UBAC2: variants seen among roughly 807,000 people sequenced by gnomAD.
The protein encoded by UBAC2 is UBA domain containing 2, also known as ubiquitin-associated domain-containing protein 2.
A neutral mutation model predicts 44.0 loss-of-function variants in UBAC2; 26 were observed. The observed-to-expected ratio is 0.59, with a 90% confidence interval of 0.43 to 0.82. UBAC2 has a LOEUF of 0.82. UBAC2 is among the 40% of genes least tolerant of loss of function. The probability of loss-of-function intolerance (pLI) is 0.00; values close to 1 mark genes in which losing one functional copy is unlikely to be tolerated. For missense variants in UBAC2, 329 were observed against 419.4 expected, an observed-to-expected ratio of 0.78 and a Z score of 1.88; for synonymous variants, 155 against 154.3, an observed-to-expected ratio of 1.00 and a Z score of -0.04.
At chr13:99,378,589 A>G (rs1054238668) in intron 8 of UBAC2, among the ~76,000 whole-genome samples, 1 of 152,208 alleles carries the variant, frequency 6.6e-6, no homozygotes, top group African/African-American at 2.4e-5. Flanking sequence ...ACAGACTCGA[A>G]GGTATATTTT....
At chr13:99,219,323 A>T (rs1019521418) in intron 1 of UBAC2, among the ~76,000 whole-genome samples, 6 of 152,210 alleles carry the variant, frequency 3.9e-5, no homozygotes, top group Non-Finnish European at 8.8e-5. Flanking sequence ...CCCAAAAGAT[A>T]CATATTTTTA....
intron 7 of UBAC2, among the ~76,000 whole-genome samples, chr13:99,354,701 G>A (rs1166493014): frequency 6.6e-6 from 1 of 152,086 alleles, no homozygotes; most frequent in Non-Finnish European, 1.5e-5. Context: ...GGGCAGACCT[G>A]CAAAACAGGA....
chr13:99,351,437 C>T, intron 7 of UBAC2: 1 of 425,758 alleles, frequency 2.3e-6, no homozygotes, highest in Non-Finnish European at 4.7e-6. Context: ...GATCTCTTGC[C>T]TCTTTATCTT....
At chr13:99,297,637 A>G (rs893245007) in intron 4 of UBAC2, among the ~76,000 whole-genome samples, 3 of 152,154 alleles carry the variant, frequency 2.0e-5, no homozygotes, top group Non-Finnish European at 4.4e-5. Flanking sequence ...AACCTAAAGC[A>G]AAAGAGAGCA....
At chr13:99,311,141 T>C (rs1566497026) in intron 4 of UBAC2, among the ~76,000 whole-genome samples, 1 of 152,144 alleles carries the variant, frequency 6.6e-6, no homozygotes, top group African/African-American at 2.4e-5. Flanking sequence ...TTCTAGACAG[T>C]GGGAATAAAA....
intron 4 of UBAC2, chr13:99,255,891 G>C (rs370686759): frequency 2.0e-6 from 3 of 1,513,950 alleles, no homozygotes; most frequent in Admixed American, 4.7e-5. Context: ...TTGTTGGTAG[G>C]CATGATACTT....
rs778879715 is a variant in UBAC2, at chr13:99,237,265, T to TACACACACACACAC, written c.32-1161_32-1160insCACACACACACACA. ...AGAAAATTTTATGCGTATATATATATATATATACACACACACACACACACA... is the reference window on the plus strand; with the variant it reads ...AGAAAATTTTATGCGTATATATATATACACACACACACACATATATACACACACACACACACACA... On this transcript the variant is annotated intron_variant, in intron 1 of 8. Coordinates refer to ENST00000403766, the MANE Select transcript of UBAC2 (RefSeq NM_001144072.2). Among the ~76,000 whole-genome samples, 7 of 113,978 alleles carry TACACACACACACAC rather than the reference T, an allele frequency of 6.1e-5. No individual in the cohort carries two copies. In the South Asian group the frequency reaches 1.6e-3, roughly 27 times the overall value. 74.8% of individuals were successfully genotyped at this position (113,978 alleles called of 152,430 possible).
chr13:99,357,004 CTG>C (rs1455607612), intron 7 of UBAC2, among the ~76,000 whole-genome samples: 1 of 152,162 alleles, frequency 6.6e-6, no homozygotes, highest in Non-Finnish European at 1.5e-5. Context: ...TCTTTTCTCT[CTG>C]TATTGTGCTC....
intron 6 of UBAC2, 88 bp from the exon 7 acceptor site, chr13:99,340,232 G>T: frequency 6.9e-7 from 1 of 1,449,300 alleles, no homozygotes; most frequent in South Asian, 1.3e-5. Context: ...ACCGTGTGCA[G>T]TGTCTGGAGG....
intron 4 of UBAC2, among the ~76,000 whole-genome samples, chr13:99,263,828 A>G (rs1029367322): frequency 2.6e-5 from 4 of 152,372 alleles, no homozygotes; most frequent in South Asian, 2.1e-4. Context: ...CACAGGGCAG[A>G]TAGAACAACA....
chr13:99,358,293 C>T (rs992345143), intron 7 of UBAC2, among the ~76,000 whole-genome samples: 5 of 152,108 alleles, frequency 3.3e-5, no homozygotes, highest in African/African-American at 1.2e-4. Flanking sequence ...CCGAAAAGGC[C>T]CTTAATGTAC....
At chr13:99,313,580 A>T (rs2044444298) in intron 4 of UBAC2, among the ~76,000 whole-genome samples, 1 of 152,028 alleles carries the variant, frequency 6.6e-6, no homozygotes, top group Non-Finnish European at 1.5e-5. Flanking sequence ...AACCATGGAG[A>T]AGCCAGAAGA....
Position 99,273,479 on chromosome 13 carries a change from C to T in UBAC2, c.389+28855C>T, listed in dbSNP as rs543482939. Among the ~76,000 whole-genome samples the T allele has an allele frequency of 1.3e-4, 20 of 152,052 alleles. 1 individual carries two copies. In the South Asian group the frequency reaches 2.9e-3, roughly 22 times the overall value. On this transcript the variant is annotated intron_variant, in intron 4 of 8. Transcript: ENST00000403766. ...AGAAATTAGCAGTATTGAGAGTAAG[C>T]GGTTTCTTTATATGGTAGTTTGCCT...
chr13:99,312,257 A>G (rs1035652669), intron 4 of UBAC2, among the ~76,000 whole-genome samples: 6 of 152,248 alleles, frequency 3.9e-5, no homozygotes, highest in Non-Finnish European at 8.8e-5. Context: ...AATGGCACCA[A>G]GGACAGTTCT....
At chr13:99,349,934 G>A (rs1383072750) in intron 7 of UBAC2, among the ~76,000 whole-genome samples, 2 of 152,076 alleles carry the variant, frequency 1.3e-5, no homozygotes, top group East Asian at 1.9e-4. Context: ...ACTCCCTTTC[G>A]CGGTCTGCTA....
rs59409181 is a variant in UBAC2 at position 99,330,458 on chromosome 13, CAAA to C, written c.562-9846_562-9844del. ...TGGGTGACAGAGTGAGACGTCATCT[CAAA>C]AAAAAAAAAAAAAAAGAAATACAGT... On this transcript the variant is annotated intron_variant, in intron 6 of 8. Coordinates refer to ENST00000403766, the MANE Select transcript of UBAC2 (RefSeq NM_001144072.2). Among the ~76,000 whole-genome samples the C allele has an allele frequency of 9.7e-3, 448 of 46,046 alleles. 17 individuals are homozygous for C. The highest frequency in any genetic ancestry group is 0.031 in the African/African-American group (420 of 13,444). 30.2% of individuals were successfully genotyped at this position (46,046 alleles called of 152,430 possible). A position where few individuals can be genotyped will look rare whatever the true frequency, so the allele number is the denominator to read the frequency against.
chr13:99,213,680 C>T (rs975834083), intron 1 of UBAC2, among the ~76,000 whole-genome samples: 2 of 151,964 alleles, frequency 1.3e-5, no homozygotes, highest in South Asian at 2.1e-4. Context: ...TTTTATCGTA[C>T]TAAAATAAGT....
At chr13:99,308,542 T>A (rs1456912949) in intron 4 of UBAC2, 1 of 152,220 alleles carries the variant, frequency 6.6e-6, no homozygotes, top group Non-Finnish European at 1.5e-5. Context: ...CTTATTTAGA[T>A]GCTTGAGTAA....
intron 4 of UBAC2, chr13:99,254,950 C>T (rs2043516399): frequency 2.5e-6 from 4 of 1,613,864 alleles, no homozygotes; most frequent in East Asian, 4.5e-5. Context: ...GCGCATGCTT[C>T]GAAGGTAATT....
Sources: allele counts gnomAD v4.1 joint callset (sites outside exome capture counted in the v4.1 genomes callset), GRCh38; gene constraint gnomAD v4.1.1; transcripts MANE v1.5; gene names NCBI Gene and HGNC (gene_info 2026-07-23, HGNC 2026-07-21).